The following ZNF215 variants were observed in gnomAD, a reference collection of about 807,000 sequenced individuals.
ZNF215 encodes zinc finger protein 215.
In ZNF215, 24 loss-of-function variants were observed where a neutral mutation model predicts 27.2. The observed-to-expected ratio is 0.88, with a 90% CI of 0.64 to 1.24. ZNF215 has a LOEUF of 1.24. Among genes scored for constraint, ZNF215 ranks in the 50% most tolerant of loss-of-function variants. The probability of loss-of-function intolerance (pLI) is 0.00; values close to 1 mark genes in which losing one functional copy is unlikely to be tolerated. For synonymous variants in ZNF215, 210 were observed against 204.0 expected, an observed-to-expected ratio of 1.03 and a Z score of -0.25; for missense variants, 675 against 605.7, an observed-to-expected ratio of 1.11 and a Z score of -1.20.
chr11:6,991,751 TTCTG>T (rs1375399016), downstream of ZNF215, among the ~76,000 whole-genome samples: 3 of 152,218 alleles, frequency 2.0e-5, no homozygotes, highest in African/African-American at 7.2e-5. Context: ...TTGCCCGACT[TTCTG>T]TATGATTAAT....
intron 6 of ZNF215, 82 bp from the exon 7 acceptor site, chr11:6,955,608 C>T (rs935887214): frequency 8.4e-6 from 12 of 1,437,046 alleles, no homozygotes; most frequent in Non-Finnish European, 4.6e-6. Context: ...GTGGTATATG[C>T]ATATACCTTA....
At chr11:6,970,924 T>C (rs78935298) in intron 5 of ZNF215, among the ~76,000 whole-genome samples, 6,179 of 152,212 alleles carry the variant, frequency 0.041, 419 homozygotes, top group African/African-American at 0.14. Context: ...CATACAACCC[T>C]GTGGGGGAAC....
chr11:6,989,711 A>G (rs1564981454), downstream of ZNF215, among the ~76,000 whole-genome samples: 10 of 152,314 alleles, frequency 6.6e-5, no homozygotes, highest in South Asian at 1.9e-3. Flanking sequence ...ACCAGCTGAC[A>G]GAGGAAGTGA....
At chr11:6,946,739 T>G (rs1243855091) in intron 6 of ZNF215, among the ~76,000 whole-genome samples, 3 of 152,242 alleles carry the variant, frequency 2.0e-5, no homozygotes, top group Admixed American at 1.3e-4. Context: ...ATTTTACATG[T>G]GTCTCTGTGA....
chr11:6,970,037 C>G (rs982294672), intron 5 of ZNF215, among the ~76,000 whole-genome samples: 2 of 152,122 alleles, frequency 1.3e-5, no homozygotes, highest in African/African-American at 4.8e-5. Context: ...CTGCCTGGGC[C>G]TCCCATAGTG....
intron 5 of ZNF215, among the ~76,000 whole-genome samples, chr11:6,970,102 T>C (rs1338197180): frequency 3.2e-5 from 3 of 93,056 alleles, no homozygotes; most frequent in African/African-American, 6.5e-5. Context: ...TTTTGAAATA[T>C]ATATCACCCC....
At chr11:6,933,084 T>G (rs761304575) in intron 3 of ZNF215, among the ~76,000 whole-genome samples, 27 of 152,242 alleles carry the variant, frequency 1.8e-4, no homozygotes, top group Non-Finnish European at 3.2e-4. Flanking sequence ...ATATTTGTTA[T>G]CTGCCCCTTT....
At chr11:6,951,574 G>A (rs1181125017) in intron 6 of ZNF215, among the ~76,000 whole-genome samples, 3 of 152,164 alleles carry the variant, frequency 2.0e-5, no homozygotes, top group Admixed American at 2.0e-4. Context: ...GGGATCGGTG[G>A]TGATATCTCC....
At chr11:6,953,385 A>G (rs1003413369) in intron 6 of ZNF215, among the ~76,000 whole-genome samples, 86 of 152,150 alleles carry the variant, frequency 5.7e-4, no homozygotes, top group Non-Finnish European at 1.0e-3. Flanking sequence ...TCAGACGTAG[A>G]TTTGGTCTCT....
chr11:6,950,772 G>A (rs1850023127), intron 6 of ZNF215, among the ~76,000 whole-genome samples: 1 of 148,552 alleles, frequency 6.7e-6, no homozygotes, highest in South Asian at 2.1e-4. Context: ...ACACTATGTT[G>A]AATAGGAGTG....
intron 3 of ZNF215, 38 bp from the exon 4 acceptor site, chr11:6,941,533 A>G (rs1465520612): frequency 1.3e-6 from 2 of 1,595,960 alleles, no homozygotes; most frequent in Non-Finnish European, 1.7e-6. Flanking sequence ...CTCCAGGGCA[A>G]AACTTGTCTC....
chr11:6,955,748 C>T lies in ZNF215; in HGVS notation c.771C>T (p.Thr257=), dbSNP rs373277320. The T allele has an allele frequency of 2.6e-5, 41 of 1,605,026 alleles. No homozygotes were observed. The highest frequency in any genetic ancestry group is 1.7e-4 in the African/African-American group (13 of 74,306). Residue 257 remains threonine, a synonymous_variant, in exon 7 of 7, where the codon ACC becomes ACT. Transcript: ENST00000278319. ...SSHGVIMTRL[T]ESGHPSSDAW... ...ATGGAGTGATTATGACAAGGCTTAC[C>T]GAAAGTGGACACCCTTCTTCAGATG...
chr11:6,929,507 T>G (rs561653302), intron 2 of ZNF215, among the ~76,000 whole-genome samples: 7 of 152,352 alleles, frequency 4.6e-5, no homozygotes, highest in African/African-American at 1.7e-4. Context: ...TGTGACAGTT[T>G]CTCAGACATT....
intron 5 of ZNF215, among the ~76,000 whole-genome samples, chr11:6,977,883 T>C (rs1317513759): frequency 1.3e-5 from 2 of 152,044 alleles, no homozygotes; most frequent in African/African-American, 2.4e-5. Flanking sequence ...ATATATATAC[T>C]CAACACTGTT....
At chr11:6,983,793 C>CT (rs1401286747) in intron 5 of ZNF215, among the ~76,000 whole-genome samples, 1 of 152,010 alleles carries the variant, frequency 6.6e-6, no homozygotes, top group Admixed American at 6.6e-5. Context: ...GCTAATATCT[C>CT]TAACATAAAA....
At chr11:6,964,254 C>G (rs894013756) in intron 5 of ZNF215, among the ~76,000 whole-genome samples, 1 of 151,926 alleles carries the variant, frequency 6.6e-6, no homozygotes, top group Non-Finnish European at 1.5e-5. Context: ...CTTGTCCTTT[C>G]ATTTTAAACA....
intron 3 of ZNF215, among the ~76,000 whole-genome samples, chr11:6,938,795 T>G (rs893197950): frequency 6.6e-6 from 1 of 152,194 alleles, no homozygotes; most frequent in Non-Finnish European, 1.5e-5. Flanking sequence ...ATGAAAATGT[T>G]CTGGAATTAG....
exon 6 of ZNF215, chr11:6,984,276 T>C: frequency 4.2e-6 from 1 of 240,768 alleles, no homozygotes; most frequent in South Asian, 3.8e-5. Flanking sequence ...CCTAGCTAAT[T>C]TTTTGTGTTT....
intron 6 of ZNF215, among the ~76,000 whole-genome samples, chr11:6,952,307 T>C (rs935767218): frequency 3.3e-5 from 5 of 152,210 alleles, no homozygotes; most frequent in Admixed American, 2.6e-4. Flanking sequence ...TTCTGTCTTG[T>C]TGATCTATCT....
Sources: gnomAD v4.1 joint callset for allele counts (sites outside exome capture counted in the v4.1 genomes callset) on GRCh38, gnomAD v4.1.1 for gene constraint, MANE v1.5 for transcripts, NCBI Gene and HGNC (gene_info 2026-07-23, HGNC 2026-07-21) for gene names.